Variants in ACTL8 observed in about 807,000 individuals in gnomAD.
The protein encoded by ACTL8 is actin-like protein 8.
In ACTL8, 3 loss-of-function variants were observed where a neutral mutation model predicts 9.3. The ratio of observed to expected loss-of-function variants is 0.32; its 90% CI spans 0.15 to 0.83. The LOEUF is 0.83. ACTL8 is among the 40% of genes least tolerant of loss of function. The pLI, the probability that ACTL8 is intolerant of heterozygous loss-of-function variation, is 0.57. For missense variants in ACTL8, 381 were observed against 492.2 expected (o/e 0.77, Z 2.14); for synonymous variants, 224 against 205.9 (o/e 1.09, Z -0.75).
At chr1:17,814,175 T>G (rs1205182167) in intron 1 of ACTL8, among the ~76,000 whole-genome samples, 2 of 152,244 alleles carry the variant, frequency 1.3e-5, no homozygotes, top group African/African-American at 4.8e-5. Flanking sequence ...ATTGTAGTTG[T>G]ACTGTACCTT....
chr1:17,788,280 G>C (rs1271025737), intron 1 of ACTL8, among the ~76,000 whole-genome samples: 1 of 152,148 alleles, frequency 6.6e-6, no homozygotes, highest in Non-Finnish European at 1.5e-5. Flanking sequence ...GCAGTCTCTG[G>C]GTCCCCAAGG....
Position 17,825,892 on chromosome 1 carries a change from G to A in ACTL8, c.474G>A (p.Gln158=). ...VDSGYGLTRV[Q]PFHQGRPLPA... ...CTGGCTATGGCCTGACCCGCGTGCAGCCTTTCCACCAGGGCCGCCCCTTGC... is the reference window on the plus strand; with the variant it reads ...CTGGCTATGGCCTGACCCGCGTGCAACCTTTCCACCAGGGCCGCCCCTTGC... Residue 158 remains glutamine (Q), a synonymous_variant, in exon 3 of 3, where the codon CAG becomes CAA. Coordinates refer to ENST00000375406, the MANE Select transcript of ACTL8 (RefSeq NM_030812.3). 1 of 1,613,578 alleles carries A rather than the reference G, an allele frequency of 6.2e-7. No homozygotes were observed.
intron 1 of ACTL8, among the ~76,000 whole-genome samples, chr1:17,791,951 A>G (rs1030427359): frequency 2.6e-5 from 4 of 152,220 alleles, no homozygotes; most frequent in African/African-American, 7.2e-5. Flanking sequence ...TCTCTTTGCT[A>G]TCTGCAGAGT....
At chr1:17,807,206 C>T (rs991818217) in intron 1 of ACTL8, among the ~76,000 whole-genome samples, 8 of 152,300 alleles carry the variant, frequency 5.3e-5, no homozygotes, top group Middle Eastern at 6.8e-3. Context: ...TAATTCCATC[C>T]GCAGTCTTCA....
chr1:17,817,847 C>T (rs1385666638), intron 1 of ACTL8, among the ~76,000 whole-genome samples: 1 of 152,032 alleles, frequency 6.6e-6, no homozygotes, highest in Non-Finnish European at 1.5e-5. Flanking sequence ...ATTACAGGTG[C>T]GTGCCACCAC....
intron 1 of ACTL8, among the ~76,000 whole-genome samples, chr1:17,760,772 C>A (rs1484776434): frequency 6.6e-6 from 1 of 152,180 alleles, no homozygotes; most frequent in East Asian, 1.9e-4. Context: ...TTTGCCCAGC[C>A]CCCTGACAAT....
intron 1 of ACTL8, among the ~76,000 whole-genome samples, chr1:17,821,053 A>C (rs1263822919): frequency 6.6e-6 from 1 of 152,170 alleles, no homozygotes; most frequent in Non-Finnish European, 1.5e-5. Context: ...ATAATGCTGA[A>C]TACCTTTTCA....
chr1:17,808,880 G>T (rs183391798), intron 1 of ACTL8, among the ~76,000 whole-genome samples: 25 of 152,302 alleles, frequency 1.6e-4, no homozygotes, highest in Admixed American at 1.2e-3. Flanking sequence ...AGCTTCAGGT[G>T]CATGGAGAAG....
intron 1 of ACTL8, among the ~76,000 whole-genome samples, chr1:17,791,030 G>T (rs985687320): frequency 1.7e-4 from 26 of 152,176 alleles, no homozygotes; most frequent in Non-Finnish European, 3.2e-4. Context: ...TATGAGGGTT[G>T]GGGGGAGGGG....
chr1:17,817,867 A>G (rs2066438391), intron 1 of ACTL8, among the ~76,000 whole-genome samples: 1 of 151,796 alleles, frequency 6.6e-6, no homozygotes, highest in South Asian at 2.1e-4. Context: ...CTCCTAGCTA[A>G]TTTTTGTATT....
chr1:17,791,817 G>A (rs2066241606), intron 1 of ACTL8, among the ~76,000 whole-genome samples: 1 of 152,186 alleles, frequency 6.6e-6, no homozygotes. Flanking sequence ...TTGGCTCCCA[G>A]GGGGATGGAT....
At chr1:17,799,824 C>G (rs2066307261) in intron 1 of ACTL8, among the ~76,000 whole-genome samples, 1 of 151,976 alleles carries the variant, frequency 6.6e-6, no homozygotes, top group East Asian at 1.9e-4. Context: ...TCAGCTCCGC[C>G]CCCGCCCCCA....
chr1:17,758,999 A>G (rs1466706641), intron 1 of ACTL8, among the ~76,000 whole-genome samples: 3 of 152,204 alleles, frequency 2.0e-5, no homozygotes, highest in African/African-American at 4.8e-5. Context: ...TCCTGGGCCT[A>G]TTAGTCTCCT....
At chr1:17,797,250 C>T (rs1283571463) in intron 1 of ACTL8, among the ~76,000 whole-genome samples, 1 of 152,168 alleles carries the variant, frequency 6.6e-6, no homozygotes, top group African/African-American at 2.4e-5. Flanking sequence ...GCTACTGTGG[C>T]AGTTCGCGGT....
rs151044871 is a variant in ACTL8 at position 17,778,122 on chromosome 1, A to G, written c.-25+22618A>G. Among the ~76,000 whole-genome samples, 10 of 152,288 alleles carry G rather than the reference A, an allele frequency of 6.6e-5. No homozygotes were observed. The East Asian group carries it at 1.4e-3, about 21-fold the overall frequency. ...GAGACAAGCTCTGCTCGTCTTAACC[A>G]GTTTGGGGAACAGTTGGGAATTGCT... On this transcript the variant is annotated intron_variant, in intron 1 of 2. Coordinates refer to ENST00000375406, the MANE Select transcript of ACTL8 (RefSeq NM_030812.3).
At chr1:17,789,988 T>G (rs756658214) in intron 1 of ACTL8, among the ~76,000 whole-genome samples, 4 of 151,544 alleles carry the variant, frequency 2.6e-5, no homozygotes, top group South Asian at 2.1e-4. Context: ...CAAGGGAGAG[T>G]CAAGTGTGGA....
At chr1:17,787,606 A>G (rs1184063103) in intron 1 of ACTL8, among the ~76,000 whole-genome samples, 2 of 151,962 alleles carry the variant, frequency 1.3e-5, no homozygotes, top group Non-Finnish European at 1.5e-5. Flanking sequence ...ATAATATTCC[A>G]GTGCGTGGGT....
intron 1 of ACTL8, among the ~76,000 whole-genome samples, chr1:17,765,694 C>A (rs956403405): frequency 1.3e-5 from 2 of 152,196 alleles, no homozygotes; most frequent in African/African-American, 4.8e-5. Context: ...ATGTCTGATT[C>A]ACTCACTTAT....
chr1:17,824,894 G>T (rs967831545), intron 2 of ACTL8, among the ~76,000 whole-genome samples: 1 of 152,010 alleles, frequency 6.6e-6, no homozygotes, highest in Non-Finnish European at 1.5e-5. Context: ...AATGGCTGGT[G>T]GGGGGACAAT....
Sources: gnomAD v4.1 joint callset for allele counts (sites outside exome capture counted in the v4.1 genomes callset) on GRCh38, gnomAD v4.1.1 for gene constraint, MANE v1.5 for transcripts, NCBI Gene and HGNC (gene_info 2026-07-23, HGNC 2026-07-21) for gene names.